The following PLCB1 variants were observed in gnomAD, a reference collection of about 807,000 sequenced individuals.
The protein encoded by PLCB1 is 1-phosphatidylinositol 4,5-bisphosphate phosphodiesterase beta-1.
A neutral mutation model predicts 161.8 loss-of-function variants in PLCB1; 46 were observed. The ratio of observed to expected loss-of-function variants is 0.28; its 90% CI spans 0.22 to 0.36. The LOEUF (loss-of-function observed/expected upper bound fraction) is 0.36. Among genes scored for constraint, PLCB1 ranks in the 10% least tolerant of loss-of-function variants. The probability of loss-of-function intolerance (pLI) is 1.00; values close to 1 mark genes in which losing one functional copy is unlikely to be tolerated. For missense variants in PLCB1, 1,016 were observed against 1,472.5 expected (o/e 0.69, Z 5.07); for synonymous variants, 517 against 503.7 (o/e 1.03, Z -0.35).
intron 2 of PLCB1, among the ~76,000 whole-genome samples, chr20:8,197,527 T>A (rs570402937): frequency 1.3e-5 from 2 of 152,278 alleles, no homozygotes; most frequent in African/African-American, 4.8e-5. Flanking sequence ...TCTTGTAAAT[T>A]TGTTTGAGTT....
chr20:8,331,095 A>G (rs1055279731), intron 2 of PLCB1, among the ~76,000 whole-genome samples: 1 of 152,232 alleles, frequency 6.6e-6, no homozygotes, highest in Non-Finnish European at 1.5e-5. Context: ...GTGTAAAGGT[A>G]TTTATGTTGT....
intron 3 of PLCB1, 153 bp from the exon 4 acceptor site, chr20:8,628,141 T>C (rs111334262): frequency 2.5e-5 from 16 of 631,976 alleles, no homozygotes; most frequent in African/African-American, 1.8e-4. Flanking sequence ...TCTAGGCCAT[T>C]TGTGGAATGG....
chr20:8,709,264 A>G (rs1380563678), intron 12 of PLCB1, among the ~76,000 whole-genome samples: 1 of 152,198 alleles, frequency 6.6e-6, no homozygotes, highest in African/African-American at 2.4e-5. Context: ...GTATTTGCCA[A>G]TTTCAAAATA....
chr20:8,486,721 T>A (rs1398147116), intron 3 of PLCB1, among the ~76,000 whole-genome samples: 1 of 151,468 alleles, frequency 6.6e-6, no homozygotes, highest in East Asian at 1.9e-4. Context: ...GGTCTCGATC[T>A]CCTGACCTCA....
intron 2 of PLCB1, among the ~76,000 whole-genome samples, chr20:8,195,456 A>G (rs1411568537): frequency 6.6e-6 from 1 of 152,044 alleles, no homozygotes; most frequent in African/African-American, 2.4e-5. Flanking sequence ...CAGCAAAAAG[A>G]TGGCTTTCTA....
intron 3 of PLCB1, among the ~76,000 whole-genome samples, chr20:8,555,338 T>A (rs1320783723): frequency 6.6e-6 from 1 of 151,866 alleles, no homozygotes; most frequent in Admixed American, 6.6e-5. Context: ...GTGAAAGAGG[T>A]GTTTCTAACA....
At chr20:8,426,979 G>C (rs993266395) in intron 3 of PLCB1, among the ~76,000 whole-genome samples, 2 of 152,042 alleles carry the variant, frequency 1.3e-5, no homozygotes. Context: ...GTGCAGTGTC[G>C]TGATCTCAGC....
intron 3 of PLCB1, among the ~76,000 whole-genome samples, chr20:8,530,047 G>A (rs771817777): frequency 2.6e-4 from 39 of 152,066 alleles, no homozygotes; most frequent in Non-Finnish European, 5.0e-4. Flanking sequence ...TTTTCAATCT[G>A]GTGTGTATGA....
chr20:8,228,143 A>G (rs1265522397), intron 2 of PLCB1, among the ~76,000 whole-genome samples: 2 of 152,066 alleles, frequency 1.3e-5, no homozygotes, highest in African/African-American at 4.8e-5. Flanking sequence ...CTGGCGACAG[A>G]AGTGAGACTC....
intron 3 of PLCB1, among the ~76,000 whole-genome samples, chr20:8,377,982 T>C (rs2122373205): frequency 6.6e-6 from 1 of 152,252 alleles, no homozygotes; most frequent in African/African-American, 2.4e-5. Flanking sequence ...AGGTTTGAGA[T>C]CTGAGACATG....
At chr20:8,708,017 T>G in intron 11 of PLCB1, among the ~76,000 whole-genome samples, 1 of 151,986 alleles carries the variant, frequency 6.6e-6, no homozygotes, top group South Asian at 2.1e-4. Flanking sequence ...GGACTAGGTG[T>G]GTGGGGTGGG....
At position 8,733,627 on chromosome 20, in the gene PLCB1, T is replaced by C. The variant is rs150916396; in HGVS notation, c.2043+235T>C. Among the ~76,000 whole-genome samples, 1,189 of 140,486 alleles carry C rather than the reference T, an allele frequency of 8.5e-3. 6 individuals are homozygous for C. The highest frequency in any genetic ancestry group is 0.017 in the Middle Eastern group (5 of 288). The allele number at this position is 140,486 out of a possible 152,430, so 92.2% of individuals were successfully genotyped here. A position where few individuals can be genotyped will look rare whatever the true frequency, so the allele number is the denominator to read the frequency against. On this transcript the variant is annotated intron_variant, in intron 19 of 31. Coordinates refer to ENST00000338037, the MANE Select transcript of PLCB1 (RefSeq NM_015192.4). ...ACACGGGAAGGGGAACATCACACTC[T>C]GGGGACTGTTGTGGGGTGGGGGGAG...
intron 3 of PLCB1, among the ~76,000 whole-genome samples, chr20:8,566,229 G>A (rs1228954933): frequency 6.6e-6 from 1 of 152,088 alleles, no homozygotes; most frequent in Non-Finnish European, 1.5e-5. Context: ...TGAAAATTGT[G>A]CCTTATCAAC....
At chr20:8,150,696 C>T (rs1035079832) in intron 2 of PLCB1, among the ~76,000 whole-genome samples, 6 of 152,092 alleles carry the variant, frequency 3.9e-5, no homozygotes, top group Admixed American at 6.6e-5. Flanking sequence ...AGTCCCCACC[C>T]ATAAAGGATG....
intron 3 of PLCB1, among the ~76,000 whole-genome samples, chr20:8,570,043 C>T (rs1986456966): frequency 6.6e-6 from 1 of 152,146 alleles, no homozygotes; most frequent in African/African-American, 2.4e-5. Flanking sequence ...TTCACTCTTC[C>T]TTAATGTTTG....
At chr20:8,672,337 A>G (rs914891779) in intron 9 of PLCB1, among the ~76,000 whole-genome samples, 5 of 152,150 alleles carry the variant, frequency 3.3e-5, no homozygotes, top group African/African-American at 9.7e-5. Flanking sequence ...ATATGCTGGA[A>G]ATATTTTAAA....
At chr20:8,139,579 TA>T (rs202078472) in intron 1 of PLCB1, among the ~76,000 whole-genome samples, 5,142 of 151,958 alleles carry the variant, frequency 0.034, 139 homozygotes, top group African/African-American at 0.074. Flanking sequence ...ATTTTGCCAT[TA>T]AAAAAAACAT....
Position 8,881,972 on chromosome 20 carries a change from C to T in PLCB1, c.*123C>T. 1.5e-6 allele frequency: 1 copy of T among 666,860 alleles called. No homozygotes were observed. The highest frequency in any genetic ancestry group is 2.6e-6 in the Non-Finnish European group (1 of 386,868). 41.3% of individuals were successfully genotyped at this position (666,860 alleles called of 1,614,324 possible). A position where few individuals can be genotyped will look rare whatever the true frequency, so the allele number is the denominator to read the frequency against. ...AGCATCCCTTAGCCTAAAATCCACA[C>T]CAAAGGGAGAGTTCCAGAGGAATCC... On this transcript the variant is annotated 3_prime_UTR_variant, in exon 32 of 32. Coordinates refer to ENST00000338037, the MANE Select transcript of PLCB1 (RefSeq NM_015192.4).
intron 3 of PLCB1, among the ~76,000 whole-genome samples, chr20:8,464,081 C>T (rs1007857547): frequency 1.2e-4 from 18 of 152,076 alleles, no homozygotes; most frequent in Non-Finnish European, 1.9e-4. Context: ...TTTCAGTTCC[C>T]GGTTGACAGT....
Sources: gnomAD v4.1 joint callset for allele counts (sites outside exome capture counted in the v4.1 genomes callset) on GRCh38, gnomAD v4.1.1 for gene constraint, MANE v1.5 for transcripts, NCBI Gene and HGNC (gene_info 2026-07-23, HGNC 2026-07-21) for gene names.